The following DLEU7 variants were observed in gnomAD, a reference collection of about 807,000 sequenced individuals.
DLEU7 encodes leukemia-associated protein 7.
Under a neutral mutation model 16.0 loss-of-function variants are expected in DLEU7, and 17 were observed. The observed-to-expected ratio is 1.06, with a 90% confidence interval of 0.73 to 1.59. The LOEUF (loss-of-function observed/expected upper bound fraction) is 1.59, where lower values mean the gene tolerates loss of function less well. Ranked by LOEUF, DLEU7 falls within the 40% of genes most tolerant of loss-of-function variation. The pLI is 0.00. For missense variants in DLEU7, 308 were observed against 314.9 expected (o/e 0.98, Z 0.17); for synonymous variants, 113 against 139.8 (o/e 0.81, Z 1.35).
intron 1 of DLEU7, among the ~76,000 whole-genome samples, chr13:50,750,674 TTTTGTTTGTTTG>T (rs543328326): frequency 6.6e-6 from 1 of 152,240 alleles, no homozygotes; most frequent in East Asian, 1.9e-4. Flanking sequence ...TTCCTATGTT[TTTTGTTTGTTTG>T]TTTGTTTGTT....
chr13:50,840,663 T>C (rs1451396513), intron 1 of DLEU7, among the ~76,000 whole-genome samples: 1 of 152,022 alleles, frequency 6.6e-6, no homozygotes, highest in Non-Finnish European at 1.5e-5. Context: ...AAGAGTGTTA[T>C]GGACCAAGAG....
intron 1 of DLEU7, among the ~76,000 whole-genome samples, chr13:50,808,304 G>A (rs528803629): frequency 1.3e-5 from 2 of 152,224 alleles, no homozygotes; most frequent in East Asian, 3.9e-4. Flanking sequence ...AGTATCTGAG[G>A]CAGCTGAAAG....
chr13:50,752,599 G>A (rs186080461), intron 1 of DLEU7, among the ~76,000 whole-genome samples: 16 of 151,838 alleles, frequency 1.1e-4, no homozygotes, highest in Non-Finnish European at 1.6e-4. Flanking sequence ...GGTGGGGTTC[G>A]TGGTCTCGCT....
intron 1 of DLEU7, among the ~76,000 whole-genome samples, chr13:50,757,219 C>T (rs1171689926): frequency 6.6e-6 from 1 of 152,192 alleles, no homozygotes; most frequent in Non-Finnish European, 1.5e-5. Context: ...GTCAGAGCTG[C>T]AATCTAGTCC....
At chr13:50,808,125 GTTC>G (rs993261899) in intron 1 of DLEU7, 1 of 152,178 alleles carries the variant, frequency 6.6e-6, no homozygotes, top group Non-Finnish European at 1.5e-5. Context: ...GCTAGTCCCA[GTTC>G]TTATATGTGC....
At chr13:50,773,823 C>T (rs1248960818) in intron 1 of DLEU7, among the ~76,000 whole-genome samples, 1 of 152,330 alleles carries the variant, frequency 6.6e-6, no homozygotes, top group East Asian at 1.9e-4. Context: ...CAGACAGGGA[C>T]ATTTAAGTCT....
At chr13:50,764,546 G>A (rs977405184) in intron 1 of DLEU7, among the ~76,000 whole-genome samples, 2 of 152,224 alleles carry the variant, frequency 1.3e-5, no homozygotes, top group African/African-American at 4.8e-5. Flanking sequence ...TAAGTTCAGA[G>A]GCTTTAAGTG....
At chr13:50,748,992 C>G (rs985099737) in intron 1 of DLEU7, among the ~76,000 whole-genome samples, 3 of 151,988 alleles carry the variant, frequency 2.0e-5, no homozygotes, top group African/African-American at 7.3e-5. Context: ...ACCCATCACC[C>G]GAGCAGTATA....
intron 1 of DLEU7, among the ~76,000 whole-genome samples, chr13:50,801,910 A>G (rs139286478): frequency 1.3e-5 from 2 of 152,084 alleles, no homozygotes; most frequent in East Asian, 3.9e-4. Flanking sequence ...CCCATTTTCA[A>G]TTGGTATAAT....
At position 50,746,934 on chromosome 13, in the gene DLEU7, A is replaced by G. The variant is rs185023171; in HGVS notation, c.460-33694T>C. Among the ~76,000 whole-genome samples the G allele has an allele frequency of 2.5e-3, 374 of 148,806 alleles. 15 individuals carry two copies. In the Admixed American group the frequency reaches 0.025, roughly 10 times the overall value. On this transcript the variant is annotated intron_variant, in intron 1 of 1. Transcript: ENST00000400393. ...ATACATATTGTTATGTAATTATTAT[A>G]AGCATCTGCTTGTGGAACGTACACA...
Position 50,823,588 on chromosome 13 carries a change from T to C in DLEU7, c.460-68A>G. The stretch of plus-strand genomic sequence containing the variant: ...TGGGGGCCAATTGTTGTACTTTGCT[T>C]ACCCAGCTTCCATTCTTTTCTCTTC... On this transcript the variant is annotated intron_variant, in intron 1 of 1. Coordinates refer to ENST00000504404, the MANE Select transcript of DLEU7 (RefSeq NM_001306135.2). The C allele has an allele frequency of 2.7e-6, 4 of 1,505,972 alleles. 1 individual carries two copies. In the South Asian group the frequency reaches 4.9e-5, roughly 18 times the overall value. The allele number at this position is 1,505,972 out of a possible 1,614,324, so 93.3% of individuals were successfully genotyped here. A position where few individuals can be genotyped will look rare whatever the true frequency, so the allele number is the denominator to read the frequency against.
intron 1 of DLEU7, among the ~76,000 whole-genome samples, chr13:50,761,413 T>C (rs963769053): frequency 7.5e-6 from 1 of 134,224 alleles, no homozygotes; most frequent in Non-Finnish European, 1.6e-5. Context: ...AGTTAGGGGC[T>C]AATGTCATGT....
intron 1 of DLEU7, chr13:50,840,139 C>T (rs1219730386): frequency 1.3e-5 from 2 of 152,150 alleles, no homozygotes; most frequent in African/African-American, 4.8e-5. Flanking sequence ...GAGGTTCCCA[C>T]GTACTTCTAG....
chr13:50,720,967 A>G (rs1039220595), intron 1 of DLEU7, among the ~76,000 whole-genome samples: 2 of 152,198 alleles, frequency 1.3e-5, no homozygotes, highest in African/African-American at 2.4e-5. Flanking sequence ...TGAAGGATGC[A>G]AAGTATTGTT....
intron 1 of DLEU7, among the ~76,000 whole-genome samples, chr13:50,809,086 C>G (rs80239976): frequency 0.012 from 1,803 of 152,182 alleles, 39 homozygotes; most frequent in African/African-American, 0.038. Flanking sequence ...TTGACTGACC[C>G]AGGCCTAAAA....
chr13:50,773,349 C>G (rs552725914), intron 1 of DLEU7, among the ~76,000 whole-genome samples: 1 of 152,160 alleles, frequency 6.6e-6, no homozygotes, highest in Admixed American at 6.5e-5. Flanking sequence ...AGAAGAGGCT[C>G]TCTGGATTTT....
chr13:50,835,058 G>A (rs528972912), intron 1 of DLEU7, among the ~76,000 whole-genome samples: 2 of 151,240 alleles, frequency 1.3e-5, no homozygotes, highest in Admixed American at 6.6e-5. Flanking sequence ...TGGGGGGCTA[G>A]GGGAGGGATA....
chr13:50,829,415 C>T (rs1337378225), intron 1 of DLEU7, among the ~76,000 whole-genome samples: 2 of 152,186 alleles, frequency 1.3e-5, no homozygotes, highest in Admixed American at 6.5e-5. Flanking sequence ...ACCACTAAAA[C>T]GTGTGCTGAC....
intron 1 of DLEU7, among the ~76,000 whole-genome samples, chr13:50,724,536 C>T (rs140366283): frequency 6.3e-4 from 95 of 151,864 alleles, no homozygotes; most frequent in African/African-American, 2.1e-3. Context: ...GCAACAAAAA[C>T]AAAAATTAAA....
Sources: gnomAD v4.1 joint callset for allele counts (sites outside exome capture counted in the v4.1 genomes callset) on GRCh38, gnomAD v4.1.1 for gene constraint, MANE v1.5 for transcripts, NCBI Gene and HGNC (gene_info 2026-07-23, HGNC 2026-07-21) for gene names.